Variants in THRB observed in about 807,000 individuals in gnomAD.
THRB encodes nuclear receptor subfamily 1 group A member 2.
A neutral mutation model predicts 47.8 loss-of-function variants in THRB; 12 were observed. The ratio of observed to expected loss-of-function variants is 0.25; its 90% CI spans 0.16 to 0.41. The LOEUF is 0.41. Among genes scored for constraint, THRB ranks in the 10% least tolerant of loss-of-function variants. THRB has a pLI of 1.00. For synonymous variants in THRB, 218 were observed against 212.2 expected (o/e 1.03, Z -0.24); for missense variants, 348 against 589.2 (o/e 0.59, Z 4.24).
At position 24,232,355 on chromosome 3, in the gene THRB, T is replaced by C. The variant is rs549428903; in HGVS notation, c.-42-3354A>G. 9.9e-5 allele frequency among the ~76,000 whole-genome samples: 15 copies of C among 152,284 alleles called. No homozygotes were observed. The South Asian group carries it at 2.3e-3, about 23-fold the overall frequency. ...CTTCTAAACTAACATAGGGAGAGAATTGCACCAGATAAATGCAAAAATATA... is the reference window on the plus strand; with the variant it reads ...CTTCTAAACTAACATAGGGAGAGAACTGCACCAGATAAATGCAAAAATATA... On this transcript the variant is annotated intron_variant, in intron 3 of 10. Coordinates refer to ENST00000646209, the MANE Select transcript of THRB (RefSeq NM_001354712.2).
intron 3 of THRB, among the ~76,000 whole-genome samples, chr3:24,256,366 T>G (rs1253234073): frequency 6.6e-6 from 1 of 152,096 alleles, no homozygotes; most frequent in Non-Finnish European, 1.5e-5. Context: ...TCATTTATTC[T>G]CCTCTTCCCA....
chr3:24,306,890 G>C (rs1407442604), intron 2 of THRB, among the ~76,000 whole-genome samples: 1 of 152,054 alleles, frequency 6.6e-6, no homozygotes, highest in Non-Finnish European at 1.5e-5. Context: ...TAATCACTTA[G>C]GTAGGCACAC....
At chr3:24,165,302 T>C (rs774243168) in intron 5 of THRB, 3 of 765,056 alleles carry the variant, frequency 3.9e-6, no homozygotes, top group Non-Finnish European at 7.2e-6. Context: ...CATGTAGCAA[T>C]TGCTGCCGGC....
chr3:24,443,524 T>A (rs973160332), intron 1 of THRB, among the ~76,000 whole-genome samples: 10 of 152,126 alleles, frequency 6.6e-5, no homozygotes, highest in African/African-American at 2.4e-4. Context: ...AAAATTCAAC[T>A]AAAGACCAAA....
At chr3:24,269,078 T>C (rs2052964592) in intron 3 of THRB, among the ~76,000 whole-genome samples, 1 of 152,160 alleles carries the variant, frequency 6.6e-6, no homozygotes, top group Non-Finnish European at 1.5e-5. Flanking sequence ...AATATCAACA[T>C]ATTGCTTCAT....
intron 1 of THRB, among the ~76,000 whole-genome samples, chr3:24,343,953 T>TTA (rs200026662): frequency 0.034 from 4,957 of 145,946 alleles, 89 homozygotes; most frequent in South Asian, 0.049. Context: ...TATATATTAT[T>TTA]TATATATATA....
At chr3:24,187,401 C>T (rs984812218) in intron 5 of THRB, among the ~76,000 whole-genome samples, 1 of 152,206 alleles carries the variant, frequency 6.6e-6, no homozygotes, top group African/African-American at 2.4e-5. Context: ...CAGATGGGCT[C>T]ACTGCACAGC....
chr3:24,381,099 G>A (rs1426342301), intron 1 of THRB, among the ~76,000 whole-genome samples: 2 of 142,236 alleles, frequency 1.4e-5, no homozygotes, highest in Non-Finnish European at 3.0e-5. Flanking sequence ...TGGTGACAGA[G>A]TGAGACTCTG....
At chr3:24,394,496 T>G (rs376494466) in intron 1 of THRB, among the ~76,000 whole-genome samples, 1 of 152,084 alleles carries the variant, frequency 6.6e-6, no homozygotes, top group Admixed American at 6.6e-5. Context: ...GCACAGAACA[T>G]TGGGTATGGA....
intron 2 of THRB, among the ~76,000 whole-genome samples, chr3:24,325,063 G>C (rs1421098566): frequency 6.6e-6 from 1 of 152,154 alleles, no homozygotes; most frequent in East Asian, 1.9e-4. Flanking sequence ...CTTGCTTCTT[G>C]CTTTTGGCTG....
rs568444534 is a variant in THRB, at chr3:24,490,100, T to C, written c.-261+4552A>G. On this transcript the variant is annotated intron_variant, in intron 1 of 10. Coordinates refer to ENST00000646209, the MANE Select transcript of THRB (RefSeq NM_001354712.2). ...CTCATCTCATCACAATGGAGACAATTTCAGAATCCTTTTGTATTAATATGT... is the reference window on the plus strand; with the variant it reads ...CTCATCTCATCACAATGGAGACAATCTCAGAATCCTTTTGTATTAATATGT... 3.9e-5 allele frequency among the ~76,000 whole-genome samples: 6 copies of C among 152,282 alleles called. No individual in the cohort carries two copies. In the South Asian group the frequency reaches 6.2e-4, roughly 16 times the overall value.
At chr3:24,393,776 A>C (rs1363422163) in intron 1 of THRB, among the ~76,000 whole-genome samples, 1 of 152,180 alleles carries the variant, frequency 6.6e-6, no homozygotes, top group Non-Finnish European at 1.5e-5. Context: ...CAAAGAATGA[A>C]GACTTTACAA....
intron 1 of THRB, among the ~76,000 whole-genome samples, chr3:24,464,243 CAAAAAAAAAAAGA>C (rs1413086282): frequency 6.7e-5 from 5 of 74,504 alleles, no homozygotes; most frequent in South Asian, 4.5e-4. Flanking sequence ...GACTCCGTCT[CAAAAAAAAAAAGA>C]AAAAAAAAAA....
intron 1 of THRB, among the ~76,000 whole-genome samples, chr3:24,343,470 G>C (rs909056044): frequency 6.6e-6 from 1 of 152,104 alleles, no homozygotes; most frequent in Non-Finnish European, 1.5e-5. Flanking sequence ...CGAAACAAGC[G>C]CAAGAGTACT....
At chr3:24,213,574 AG>A (rs2046276731) in intron 4 of THRB, among the ~76,000 whole-genome samples, 1 of 152,198 alleles carries the variant, frequency 6.6e-6, no homozygotes, top group African/African-American at 2.4e-5. Flanking sequence ...TTATCTGGAA[AG>A]GAGACGACAA....
intron 1 of THRB, among the ~76,000 whole-genome samples, chr3:24,393,685 G>T (rs985717869): frequency 6.6e-6 from 1 of 152,104 alleles, no homozygotes; most frequent in African/African-American, 2.4e-5. Context: ...AAATGCTGAC[G>T]TATCAGCAAA....
chr3:24,469,360 A>G (rs2074390525), intron 1 of THRB, among the ~76,000 whole-genome samples: 1 of 152,184 alleles, frequency 6.6e-6, no homozygotes, highest in Non-Finnish European at 1.5e-5. Context: ...GGAGTTGCTC[A>G]TATGCACAGG....
chr3:24,443,157 C>A (rs1387396420), intron 1 of THRB, among the ~76,000 whole-genome samples: 2 of 152,086 alleles, frequency 1.3e-5, no homozygotes, highest in Non-Finnish European at 2.9e-5. Flanking sequence ...TCCAGCCTGG[C>A]AACAGAGTGA....
intron 6 of THRB, 52 bp downstream of exon 6, chr3:24,152,338 G>A (rs1328997384): frequency 3.2e-6 from 3 of 930,232 alleles, no homozygotes; most frequent in Admixed American, 3.4e-5. Flanking sequence ...AGAGGACTGG[G>A]AGGGGACTGG....
Sources: gnomAD v4.1 joint callset for allele counts (sites outside exome capture counted in the v4.1 genomes callset) on GRCh38, gnomAD v4.1.1 for gene constraint, MANE v1.5 for transcripts, NCBI Gene and HGNC (gene_info 2026-07-23, HGNC 2026-07-21) for gene names.